The following SPOCK1 variants were observed in gnomAD, a reference collection of about 807,000 sequenced individuals.
SPOCK1 encodes the protein testican-1.
In SPOCK1, 23 loss-of-function variants were observed where a neutral mutation model predicts 55.3. The observed-to-expected ratio is 0.42, with a 90% confidence interval of 0.30 to 0.59. The LOEUF (loss-of-function observed/expected upper bound fraction) is 0.59, where lower values mean the gene tolerates loss of function less well. Ranked by LOEUF, SPOCK1 falls within the 20% of genes least tolerant of loss-of-function variation. The pLI, the probability that SPOCK1 is intolerant of heterozygous loss-of-function variation, is 0.22. For synonymous variants in SPOCK1, 226 were observed against 221.0 expected, an observed-to-expected ratio of 1.02 and a Z score of -0.20; for missense variants, 499 against 552.5, an observed-to-expected ratio of 0.90 and a Z score of 0.97.
At chr5:137,167,401 A>G (rs1321692247) in intron 3 of SPOCK1, among the ~76,000 whole-genome samples, 1 of 150,876 alleles carries the variant, frequency 6.6e-6, no homozygotes, top group African/African-American at 2.4e-5. Context: ...AGCACTGGAC[A>G]GATCTTCCAG....
intron 5 of SPOCK1, 50 bp from the exon 6 acceptor site, chr5:137,067,879 C>T (rs1263667958): frequency 6.8e-7 from 1 of 1,465,266 alleles, no homozygotes; most frequent in African/African-American, 1.4e-5. Flanking sequence ...ATAACAGACC[C>T]CTACCCCGCC....
chr5:137,150,455 A>G (rs1754297680), intron 3 of SPOCK1, among the ~76,000 whole-genome samples: 1 of 152,160 alleles, frequency 6.6e-6, no homozygotes, highest in African/African-American at 2.4e-5. Context: ...TTTTAGGAGA[A>G]GCTCTGTGGG....
At chr5:137,352,474 T>A (rs1750701861) in intron 2 of SPOCK1, among the ~76,000 whole-genome samples, 1 of 152,260 alleles carries the variant, frequency 6.6e-6, no homozygotes, top group African/African-American at 2.4e-5. Flanking sequence ...AAGAATTTTC[T>A]ATCTTTTTCA....
At chr5:137,255,451 T>C (rs1045299987) in intron 3 of SPOCK1, among the ~76,000 whole-genome samples, 16 of 152,244 alleles carry the variant, frequency 1.1e-4, no homozygotes, top group Admixed American at 7.8e-4. Flanking sequence ...AATTTACTTA[T>C]ACTCAAATGT....
At chr5:137,454,039 T>C (rs746871754) in intron 2 of SPOCK1, among the ~76,000 whole-genome samples, 1 of 151,942 alleles carries the variant, frequency 6.6e-6, no homozygotes, top group Non-Finnish European at 1.5e-5. Context: ...GGATACTACT[T>C]GGGATCAGGA....
intron 2 of SPOCK1, among the ~76,000 whole-genome samples, chr5:137,269,290 G>C (rs535857047): frequency 6.6e-6 from 1 of 152,304 alleles, no homozygotes; most frequent in East Asian, 1.9e-4. Flanking sequence ...GCCAAGCAGG[G>C]AAGAAAAATG....
At chr5:137,341,144 A>G (rs1339321971) in intron 2 of SPOCK1, among the ~76,000 whole-genome samples, 1 of 152,202 alleles carries the variant, frequency 6.6e-6, no homozygotes. Flanking sequence ...AGTCTCCCCA[A>G]GGGGGAACAA....
intron 2 of SPOCK1, among the ~76,000 whole-genome samples, chr5:137,420,058 T>C (rs1370810806): frequency 6.6e-6 from 1 of 152,234 alleles, no homozygotes; most frequent in Non-Finnish European, 1.5e-5. Flanking sequence ...GATAATCATA[T>C]GGTTTTTGTT....
At position 136,979,176 on chromosome 5, in the gene SPOCK1, C is replaced by T. The variant is rs145079643; in HGVS notation, c.1129+156G>A. Among the ~76,000 whole-genome samples, 15 of 152,266 alleles carry T rather than the reference C, an allele frequency of 9.9e-5. No homozygotes were observed. In the East Asian group the frequency reaches 1.4e-3, roughly 14 times the overall value. ...CCTGCCACTTGCCAAGCTAGCTACA[C>T]GGGAGCTCATGTGATTTCAGGGTTA... On this transcript the variant is annotated intron_variant, in intron 10 of 10. Coordinates refer to ENST00000394945, the MANE Select transcript of SPOCK1 (RefSeq NM_004598.4).
chr5:137,429,699 C>A (rs1232240975), intron 2 of SPOCK1, among the ~76,000 whole-genome samples: 2 of 152,186 alleles, frequency 1.3e-5, no homozygotes, highest in Non-Finnish European at 2.9e-5. Flanking sequence ...GTTTATTAAA[C>A]CCTGGACTCT....
chr5:137,416,171 GA>G (rs66633629), intron 2 of SPOCK1, among the ~76,000 whole-genome samples: 12,188 of 146,756 alleles, frequency 0.083, 1,234 homozygotes, highest in African/African-American at 0.25. Flanking sequence ...TAAAGTACTG[GA>G]AAAAAAAAAC....
chr5:137,258,872 A>G (rs1191041934), intron 3 of SPOCK1, among the ~76,000 whole-genome samples: 1 of 152,196 alleles, frequency 6.6e-6, no homozygotes, highest in Non-Finnish European at 1.5e-5. Flanking sequence ...GTGGAGCACA[A>G]CCCAGAATGG....
intron 5 of SPOCK1, among the ~76,000 whole-genome samples, chr5:137,101,368 G>C (rs865836077): frequency 1.3e-5 from 2 of 152,122 alleles, no homozygotes; most frequent in South Asian, 2.1e-4. Context: ...AAGCATCTTC[G>C]TGTTCAGGTA....
chr5:137,040,566 G>A (rs1429761530), intron 6 of SPOCK1, among the ~76,000 whole-genome samples: 2 of 152,224 alleles, frequency 1.3e-5, no homozygotes, highest in African/African-American at 4.8e-5. Flanking sequence ...CCATAGAAGT[G>A]ACCAGAGAAG....
chr5:137,455,214 T>G (rs576356202), intron 2 of SPOCK1, among the ~76,000 whole-genome samples: 6 of 152,222 alleles, frequency 3.9e-5, no homozygotes, highest in African/African-American at 1.4e-4. Flanking sequence ...TTCATGAGCA[T>G]GTTTCCTTGA....
At chr5:137,407,469 G>C (rs1229719) in intron 2 of SPOCK1, among the ~76,000 whole-genome samples, 55,138 of 151,942 alleles carry the variant, frequency 0.36, 10,921 homozygotes, top group East Asian at 0.65. Flanking sequence ...TACCTGAGAG[G>C]GGGGAGTGGT....
At chr5:136,992,380 G>C in intron 7 of SPOCK1, 104 bp downstream of exon 7, 1 of 895,058 alleles carries the variant, frequency 1.1e-6, no homozygotes, top group East Asian at 2.7e-5. Context: ...TAAAGTCAAA[G>C]TATATATTTA....
intron 6 of SPOCK1, among the ~76,000 whole-genome samples, chr5:137,056,470 G>C (rs940025018): frequency 1.3e-5 from 2 of 152,074 alleles, no homozygotes; most frequent in African/African-American, 4.8e-5. Flanking sequence ...CCTGGCTTAG[G>C]ATATAATATC....
At chr5:137,444,816 T>A (rs1753088695) in intron 2 of SPOCK1, among the ~76,000 whole-genome samples, 1 of 152,232 alleles carries the variant, frequency 6.6e-6, no homozygotes, top group South Asian at 2.1e-4. Flanking sequence ...AATCACCCTC[T>A]GCTGACCATT....
Sources: allele counts gnomAD v4.1 joint callset (sites outside exome capture counted in the v4.1 genomes callset), GRCh38; gene constraint gnomAD v4.1.1; transcripts MANE v1.5; gene names NCBI Gene and HGNC (gene_info 2026-07-23, HGNC 2026-07-21).